Variants in TK2 observed in about 807,000 individuals in gnomAD.
TK2 encodes the protein thymidine kinase 2.
A neutral mutation model predicts 41.9 loss-of-function variants in TK2; 35 were observed. The observed-to-expected ratio is 0.84, with a 90% CI of 0.64 to 1.11. TK2 has a LOEUF of 1.11. Among genes scored for constraint, TK2 ranks in the 50% least tolerant of loss-of-function variants. The pLI is 0.00. For synonymous variants in TK2, 128 were observed against 129.1 expected (o/e 0.99, Z 0.06); for missense variants, 320 against 351.1 (o/e 0.91, Z 0.71).
chr16:66,531,277 G>A, intron 5 of TK2, 103 bp downstream of exon 5: 1 of 1,135,766 alleles, frequency 8.8e-7, no homozygotes, highest in African/African-American at 1.5e-5. Flanking sequence ...CAGCACTGAA[G>A]GCCTAGCCTG....
At chr16:66,549,373 G>A (rs1221263848) in intron 1 of TK2, 1 of 1,133,934 alleles carries the variant, frequency 8.8e-7, no homozygotes, top group East Asian at 6.0e-5. Flanking sequence ...ACGTGGTTTT[G>A]GGCCTGGGAC....
chr16:66,526,568 A>G (rs541756568), intron 6 of TK2, among the ~76,000 whole-genome samples: 122 of 152,244 alleles, frequency 8.0e-4, no homozygotes, highest in Non-Finnish European at 1.4e-3. Context: ...TGGGCAACAC[A>G]GGGAGACCCT....
In TK2 at chr16:66,514,129, CCT is replaced by C. The variant is rs1964534285; in HGVS notation, c.619-320_619-319del. On this transcript the variant is annotated intron_variant, in intron 8 of 9. Transcript: ENST00000544898. This position sits in a 1 kb window ranked among gnomAD's most constrained non-coding sequence, Gnocchi z 4.2. ...AAAGGCAGGACCCCCTCCCCCTCCC[CCT>C]CTCCCTCTCCCCTTTGCACGGTTTC... Among the ~76,000 whole-genome samples, 2 of 150,148 alleles carry C rather than the reference CCT, an allele frequency of 1.3e-5. No homozygotes were observed. The highest frequency in any genetic ancestry group is 2.5e-5 in the African/African-American group (1 of 39,658).
intron 6 of TK2, among the ~76,000 whole-genome samples, chr16:66,520,643 A>G (rs1297889332): frequency 1.3e-5 from 2 of 152,150 alleles, no homozygotes; most frequent in Non-Finnish European, 2.9e-5. Flanking sequence ...CCACGACTAC[A>G]TTGTCACCCT....
chr16:66,550,046 G>A lies in TK2; in HGVS notation c.16C>T (p.Leu6=). 1.9e-6 allele frequency: 3 copies of A among 1,569,422 alleles called. No homozygotes were observed. Among genetic ancestry groups the A allele is most frequent in the Non-Finnish European group, 1.7e-6 (2 of 1,158,880 alleles). MLLWP[L]RGWAARALRC... is the part of the protein sequence containing the mutation. ...AGCGCCCGGGCGGCCCAGCCCCGCAGCGGCCACAGCAGCATAGCCGGGCGA... is the reference window on the plus strand; with the variant it reads ...AGCGCCCGGGCGGCCCAGCCCCGCAACGGCCACAGCAGCATAGCCGGGCGA... The change falls in exon 1 of 10, where the codon CTG becomes TTG. Residue 6 remains leucine, a synonymous_variant. Transcript: ENST00000544898.
At chr16:66,518,388 G>T (rs896787235) in intron 6 of TK2, among the ~76,000 whole-genome samples, 3 of 152,138 alleles carry the variant, frequency 2.0e-5, no homozygotes, top group African/African-American at 7.2e-5. Flanking sequence ...AAATTAACTA[G>T]GGGTGGTGGC....
intron 4 of TK2, among the ~76,000 whole-genome samples, chr16:66,532,129 CAAAAAAAAAA>C: frequency 1.3e-5 from 1 of 75,628 alleles, no homozygotes; most frequent in South Asian, 4.1e-4. Flanking sequence ...TTGAAATGAC[CAAAAAAAAAA>C]AAAAAAAACC....
intron 6 of TK2, among the ~76,000 whole-genome samples, 197 bp downstream of exon 6, chr16:66,528,797 C>T (rs1965014902): frequency 6.6e-6 from 1 of 152,200 alleles, no homozygotes; most frequent in Non-Finnish European, 1.5e-5. Context: ...TGGTGACCAC[C>T]CTGGCTGACT....
intron 5 of TK2, 131 bp downstream of exon 5, chr16:66,531,249 C>T: frequency 1.1e-6 from 1 of 894,932 alleles, no homozygotes; most frequent in Admixed American, 2.0e-5. Flanking sequence ...ACCTTGGCCC[C>T]ACACAGAGAG....
chr16:66,525,655 G>A (rs938152256), intron 6 of TK2, among the ~76,000 whole-genome samples: 3 of 152,152 alleles, frequency 2.0e-5, no homozygotes, highest in Non-Finnish European at 2.9e-5. Flanking sequence ...TGGAGTGCCC[G>A]AGGCCACATG....
chr16:66,515,665 T>C (rs1163316187), intron 8 of TK2, among the ~76,000 whole-genome samples: 1 of 152,234 alleles, frequency 6.6e-6, no homozygotes, highest in African/African-American at 2.4e-5. Context: ...GGATCACGGC[T>C]TGGACGGCCC....
chr16:66,516,409 C>T (rs1964614633), intron 8 of TK2, among the ~76,000 whole-genome samples: 1 of 152,120 alleles, frequency 6.6e-6, no homozygotes, highest in Non-Finnish European at 1.5e-5. Context: ...CAGTTGGGGC[C>T]GGGTCATAAG....
At chr16:66,535,540 T>C (rs1324075598) in intron 4 of TK2, among the ~76,000 whole-genome samples, 3 of 152,228 alleles carry the variant, frequency 2.0e-5, no homozygotes, top group African/African-American at 7.2e-5. Context: ...GGATTCTTTA[T>C]TGAAAGACTG....
At chr16:66,513,839 G>A (rs377005992) in intron 8 of TK2, 28 bp from the exon 9 acceptor site, 115 of 1,603,596 alleles carry the variant, frequency 7.2e-5, no homozygotes, top group Admixed American at 2.5e-4. Flanking sequence ...GCAGTCTGTC[G>A]GGAGTGGACA....
intron 3 of TK2, among the ~76,000 whole-genome samples, chr16:66,538,777 A>T (rs1466476092): frequency 2.0e-5 from 3 of 152,220 alleles, no homozygotes; most frequent in Non-Finnish European, 2.9e-5. Flanking sequence ...CGGAGCTCAG[A>T]TCTGAAGGGA....
At chr16:66,516,592 C>T (rs947619653) in intron 8 of TK2, among the ~76,000 whole-genome samples, 1 of 152,156 alleles carries the variant, frequency 6.6e-6, no homozygotes, top group African/African-American at 2.4e-5. Context: ...AGATGCACAG[C>T]CCGGGCCTAT....
rs531026027 is a variant in TK2 at position 66,532,519 on chromosome 16, C to T, written c.286-1050G>A. ...ACTCTAGAGGCTGAGACATGAGAATCGCTTGAACCCAGGAGGCAGAGGCTG... is the reference window on the plus strand; with the variant it reads ...ACTCTAGAGGCTGAGACATGAGAATTGCTTGAACCCAGGAGGCAGAGGCTG... On this transcript the variant is annotated intron_variant, in intron 4 of 9. Coordinates refer to ENST00000544898, the MANE Select transcript of TK2 (RefSeq NM_004614.5). Among the ~76,000 whole-genome samples, 8 of 152,042 alleles carry T rather than the reference C, an allele frequency of 5.3e-5. No individual in the cohort carries two copies. The East Asian group carries it at 7.7e-4, about 15-fold the overall frequency.
chr16:66,535,869 G>A (rs1965261050), intron 4 of TK2, among the ~76,000 whole-genome samples: 1 of 152,154 alleles, frequency 6.6e-6, no homozygotes, highest in Admixed American at 6.5e-5. Flanking sequence ...AGAACTCAGA[G>A]TCTAATGAAC....
At chr16:66,543,689 C>T (rs558771282) in intron 2 of TK2, among the ~76,000 whole-genome samples, 6 of 152,300 alleles carry the variant, frequency 3.9e-5, no homozygotes, top group African/African-American at 1.2e-4. Flanking sequence ...CCCCTTCTCA[C>T]GACTCCTGAT....
Sources: gnomAD v4.1 joint callset for allele counts (sites outside exome capture counted in the v4.1 genomes callset) on GRCh38, gnomAD v4.1.1 for gene constraint, Gnocchi (gnomAD v3.1) non-coding constraint, MANE v1.5 for transcripts, NCBI Gene and HGNC (gene_info 2026-07-23, HGNC 2026-07-21) for gene names.